HSD11B1: variants seen among roughly 807,000 people sequenced by gnomAD.
The protein encoded by HSD11B1 is hydroxysteroid 11-beta dehydrogenase 1.
A neutral mutation model predicts 22.1 loss-of-function variants in HSD11B1; 15 were observed. The observed-to-expected ratio is 0.68, with a 90% CI of 0.45 to 1.04. The LOEUF (loss-of-function observed/expected upper bound fraction) is 1.04, where lower values mean the gene tolerates loss of function less well. Among genes scored for constraint, HSD11B1 ranks in the 50% least tolerant of loss-of-function variants. The pLI is 0.00. For missense variants in HSD11B1, 281 were observed against 357.6 expected, an observed-to-expected ratio of 0.79 and a Z score of 1.73; for synonymous variants, 122 against 125.2, an observed-to-expected ratio of 0.97 and a Z score of 0.17.
chr1:209,697,884 C>CTGTTTTTTT (rs2076800491), intron 1 of HSD11B1, among the ~76,000 whole-genome samples: 1 of 41,586 alleles, frequency 2.4e-5, no homozygotes, highest in Non-Finnish European at 4.5e-5. Flanking sequence ...TTGTTTTTTC[C>CTGTTTTTTT]TTTTTTTTTT....
intron 4 of HSD11B1, among the ~76,000 whole-genome samples, chr1:209,725,962 A>T (rs2076998297): frequency 6.6e-6 from 1 of 152,212 alleles, no homozygotes; most frequent in Admixed American, 6.5e-5. Context: ...CCTCATGCAT[A>T]GTCTTCACAA....
chr1:209,708,436 G>C (rs2076874266), intron 4 of HSD11B1, among the ~76,000 whole-genome samples: 1 of 152,168 alleles, frequency 6.6e-6, no homozygotes, highest in South Asian at 2.1e-4. Flanking sequence ...GGATAAAGGG[G>C]CAGTGTGTCT....
upstream of HSD11B1, among the ~76,000 whole-genome samples, chr1:209,701,458 T>C (rs1325707404): frequency 6.6e-6 from 1 of 152,162 alleles, no homozygotes; most frequent in African/African-American, 2.4e-5. Context: ...GTGGAAATTG[T>C]GGGAGATATA....
At chr1:209,733,530 A>G (rs557681926) in intron 5 of HSD11B1, among the ~76,000 whole-genome samples, 3 of 152,288 alleles carry the variant, frequency 2.0e-5, no homozygotes, top group African/African-American at 4.8e-5. Flanking sequence ...TATTGTATCA[A>G]TTCTATTATT....
intron 4 of HSD11B1, among the ~76,000 whole-genome samples, chr1:209,730,087 T>C (rs2077026509): frequency 6.6e-6 from 1 of 152,146 alleles, no homozygotes. Flanking sequence ...GATGCCAACT[T>C]CCACCACTTT....
chr1:209,715,235 T>C (rs999713055), intron 4 of HSD11B1, among the ~76,000 whole-genome samples: 1 of 152,096 alleles, frequency 6.6e-6, no homozygotes, highest in African/African-American at 2.4e-5. Context: ...TCCTCTAGTG[T>C]TGGATTGCAA....
upstream of HSD11B1, among the ~76,000 whole-genome samples, chr1:209,704,391 AT>A (rs1189147059): frequency 1.4e-5 from 1 of 72,874 alleles, no homozygotes; most frequent in Admixed American, 1.9e-4. Context: ...AAATGTGCAC[AT>A]TTTTTTTCTT....
At chr1:209,734,055 T>C (rs1025041084) in intron 5 of HSD11B1, among the ~76,000 whole-genome samples, 2 of 152,076 alleles carry the variant, frequency 1.3e-5, no homozygotes, top group Admixed American at 1.3e-4. Flanking sequence ...ATCTCCCAAG[T>C]AATCACCTCT....
chr1:209,732,435 G>A lies in HSD11B1; in HGVS notation c.518-1G>A. ...ACCCATTTCTTTAATCTGTCATTTA[G>A]GGAAAGTGGCTTATCCAATGGTTGC... On this transcript the variant is annotated splice_acceptor_variant, in intron 4 of 5. Transcript: ENST00000367027. LOFTEE classifies it high-confidence loss of function. 1 of 1,614,046 alleles carries A rather than the reference G, an allele frequency of 6.2e-7. No homozygotes were observed. Among genetic ancestry groups the A allele is most frequent in the Non-Finnish European group, 8.5e-7 (1 of 1,179,968 alleles).
intron 4 of HSD11B1, among the ~76,000 whole-genome samples, chr1:209,731,013 A>G (rs2077032220): frequency 6.6e-6 from 1 of 152,220 alleles, no homozygotes; most frequent in African/African-American, 2.4e-5. Flanking sequence ...GGCAACCCCA[A>G]TCAGTGCCAT....
chr1:209,732,724 A>G lies in HSD11B1; in HGVS notation c.661+145A>G, dbSNP rs557086252. On this transcript the variant is annotated intron_variant, in intron 5 of 5. Transcript: ENST00000367027. ...TTAACTCGTCACTTACATTAGGTAT[A>G]TCTCCTAATGCTATCCCTCCCCCTT... 5.6e-4 allele frequency: 396 copies of G among 710,942 alleles called. 4 individuals carry two copies. Among genetic ancestry groups the G allele is most frequent in the South Asian group, 5.2e-3 (349 of 66,518 alleles). The allele number at this position is 710,942 out of a possible 1,614,324, so 44.0% of individuals were successfully genotyped here.
chr1:209,694,282 C>G (rs1207267211), intron 1 of HSD11B1, among the ~76,000 whole-genome samples: 1 of 152,184 alleles, frequency 6.6e-6, no homozygotes, highest in East Asian at 1.9e-4. Flanking sequence ...TTACTGAGCA[C>G]CTACCCTGTG....
intron 4 of HSD11B1, among the ~76,000 whole-genome samples, chr1:209,712,988 G>T (rs945313988): frequency 6.6e-6 from 1 of 152,130 alleles, no homozygotes; most frequent in African/African-American, 2.4e-5. Flanking sequence ...GGTGGAGGTT[G>T]CAGTGAGCCG....
chr1:209,727,642 T>G (rs1472815601), intron 4 of HSD11B1, among the ~76,000 whole-genome samples: 5 of 152,178 alleles, frequency 3.3e-5, no homozygotes, highest in Admixed American at 3.3e-4. Context: ...TGTGGGCCAC[T>G]AGAGTCAAAT....
intron 1 of HSD11B1, among the ~76,000 whole-genome samples, chr1:209,692,612 G>GGGC (rs1553286721): frequency 8.8e-6 from 1 of 113,010 alleles, no homozygotes; most frequent in African/African-American, 3.4e-5. Context: ...AATGGCGGGG[G>GGGC]GGGGGGTGGG....
chr1:209,714,817 G>A (rs963699005), intron 4 of HSD11B1, among the ~76,000 whole-genome samples: 3 of 152,222 alleles, frequency 2.0e-5, no homozygotes, highest in Non-Finnish European at 4.4e-5. Context: ...GATGGGACAG[G>A]TTTGTGTCAC....
At chr1:209,732,330 C>T in intron 4 of HSD11B1, 106 bp from the exon 5 acceptor site, 1 of 1,216,218 alleles carries the variant, frequency 8.2e-7, no homozygotes, top group Non-Finnish European at 1.2e-6. Context: ...GAAACTAAGA[C>T]TCAAAGGGGT....
chr1:209,703,774 G>A (rs899668321), upstream of HSD11B1, among the ~76,000 whole-genome samples: 4 of 151,892 alleles, frequency 2.6e-5, no homozygotes, highest in African/African-American at 9.7e-5. Flanking sequence ...TTTTTTCCCC[G>A]CTCTACTGAT....
In HSD11B1 at chr1:209,706,814, C is replaced by T. The variant is rs780563325; in HGVS notation, c.325C>T (p.Leu109Phe). 8 of 1,613,666 alleles carry T rather than the reference C, an allele frequency of 5.0e-6. No homozygotes were observed. The Admixed American group carries it at 1.3e-4, about 27-fold the overall frequency. ...AEQFVAQAGK[L>F]MGGLDMLILN... Reference sequence around the variant, plus strand: ...GCAATTTGTTGCCCAAGCAGGAAAGCTCATGGGTGAGGCTGTTTCTCTTAC... The same window carrying T: ...GCAATTTGTTGCCCAAGCAGGAAAGTTCATGGGTGAGGCTGTTTCTCTTAC... Residue 109 changes from leucine (L) to phenylalanine (F), a missense_variant, in exon 3 of 6, where the codon CTC (leucine) becomes TTC (phenylalanine). Leu to Phe is a conservative substitution (Grantham distance 22, BLOSUM62 0). Coordinates refer to ENST00000367027, the MANE Select transcript of HSD11B1 (RefSeq NM_005525.4). This position sits in a 1 kb window ranked among gnomAD's most constrained non-coding sequence, Gnocchi z 4.0.
Sources: allele counts gnomAD v4.1 joint callset (sites outside exome capture counted in the v4.1 genomes callset), GRCh38; gene constraint gnomAD v4.1.1; non-coding constraint Gnocchi (gnomAD v3.1); transcripts MANE v1.5; gene names NCBI Gene and HGNC (gene_info 2026-07-23, HGNC 2026-07-21).